MICU1: variants seen among roughly 807,000 people sequenced by gnomAD.
MICU1 encodes the protein mitochondrial calcium uptake 1, also known as calcium uptake protein 1, mitochondrial.
Under a neutral mutation model 56.8 loss-of-function variants are expected in MICU1, and 45 were observed. That is an observed-to-expected ratio of 0.79 (90% confidence interval 0.62 to 1.02). MICU1 has a LOEUF of 1.02. Ranked by LOEUF, MICU1 falls within the 50% of genes least tolerant of loss-of-function variation. The pLI, the probability that MICU1 is intolerant of heterozygous loss-of-function variation, is 0.00. For synonymous variants in MICU1, 186 were observed against 195.1 expected (o/e 0.95, Z 0.39); for missense variants, 504 against 587.1 (o/e 0.86, Z 1.46).
chr10:72,548,332 T>C (rs760980228), intron 4 of MICU1, among the ~76,000 whole-genome samples: 19 of 152,114 alleles, frequency 1.2e-4, no homozygotes, highest in Non-Finnish European at 2.5e-4. Flanking sequence ...TCAAATGCAG[T>C]GTAGAGGTTG....
At chr10:72,488,157 C>A (rs200192805) in intron 6 of MICU1, among the ~76,000 whole-genome samples, 5 of 145,854 alleles carry the variant, frequency 3.4e-5, no homozygotes, top group Non-Finnish European at 7.5e-5. Context: ...TGCACCATTG[C>A]ACTCCAGCCT....
intron 8 of MICU1, among the ~76,000 whole-genome samples, chr10:72,444,731 G>A (rs1352730185): frequency 6.6e-6 from 1 of 152,224 alleles, no homozygotes; most frequent in Non-Finnish European, 1.5e-5. Flanking sequence ...TTACAGGCGT[G>A]AGCCACCATG....
chr10:72,524,403 T>C (rs1431876193), intron 5 of MICU1, among the ~76,000 whole-genome samples: 1 of 152,192 alleles, frequency 6.6e-6, no homozygotes, highest in East Asian at 1.9e-4. Context: ...AGACCCGGCC[T>C]CCAAGTAAGA....
chr10:72,427,508 A>C (rs1269030469), intron 8 of MICU1, among the ~76,000 whole-genome samples: 1 of 152,140 alleles, frequency 6.6e-6, no homozygotes, highest in Non-Finnish European at 1.5e-5. Context: ...TGTATCCAAC[A>C]AATGTAAACT....
intron 5 of MICU1, among the ~76,000 whole-genome samples, chr10:72,517,972 T>C (rs1414107454): frequency 1.3e-5 from 2 of 151,906 alleles, no homozygotes; most frequent in Non-Finnish European, 2.9e-5. Context: ...TAATGTTCTC[T>C]CACTGCCCCA....
intron 8 of MICU1, among the ~76,000 whole-genome samples, chr10:72,444,606 C>T (rs372499565): frequency 1.7e-3 from 263 of 152,092 alleles, no homozygotes; most frequent in African/African-American, 5.9e-3. Flanking sequence ...TGCACCACCA[C>T]ACCTGGCTAA....
chr10:72,411,585 C>A (rs1475153646), intron 9 of MICU1, among the ~76,000 whole-genome samples: 1 of 152,050 alleles, frequency 6.6e-6, no homozygotes, highest in Non-Finnish European at 1.5e-5. Flanking sequence ...CCCGCCTCGG[C>A]CTCCCAAAGT....
At chr10:72,618,131 C>T (rs1198368246) in intron 1 of MICU1, among the ~76,000 whole-genome samples, 1 of 150,018 alleles carries the variant, frequency 6.7e-6, no homozygotes, top group Non-Finnish European at 1.5e-5. Context: ...CATGCCACTG[C>T]ACTCCAGCCT....
intron 6 of MICU1, among the ~76,000 whole-genome samples, chr10:72,498,543 G>A (rs974451387): frequency 6.6e-6 from 1 of 152,040 alleles, no homozygotes; most frequent in African/African-American, 2.4e-5. Flanking sequence ...TTGAGATAGC[G>A]CCATTGCACT....
At chr10:72,397,937 T>C (rs1368501476) in intron 10 of MICU1, among the ~76,000 whole-genome samples, 7 of 152,198 alleles carry the variant, frequency 4.6e-5, no homozygotes, top group African/African-American at 1.7e-4. Flanking sequence ...GTGGACCTAA[T>C]AGACATCTAC....
At chr10:72,399,856 G>C (rs1409878278) in intron 10 of MICU1, among the ~76,000 whole-genome samples, 1 of 152,106 alleles carries the variant, frequency 6.6e-6, no homozygotes. Context: ...TACTTGGGAG[G>C]CTGAGGCAGG....
chr10:72,463,188 C>T (rs993964319), intron 8 of MICU1, among the ~76,000 whole-genome samples: 1 of 152,024 alleles, frequency 6.6e-6, no homozygotes, highest in Non-Finnish European at 1.5e-5. Context: ...CTCAGCCTCC[C>T]GAGTAGCTGG....
intron 1 of MICU1, among the ~76,000 whole-genome samples, chr10:72,598,397 A>G (rs1841434302): frequency 6.6e-6 from 1 of 151,910 alleles, no homozygotes; most frequent in Non-Finnish European, 1.5e-5. Context: ...CTGAGACTAC[A>G]GGCGCCCGCC....
At chr10:72,464,424 G>A (rs1245188538) in intron 8 of MICU1, among the ~76,000 whole-genome samples, 1 of 151,778 alleles carries the variant, frequency 6.6e-6, no homozygotes, top group East Asian at 1.9e-4. Flanking sequence ...AATGCTTGCT[G>A]TGGCATTTCC....
At chr10:72,566,882 C>T (rs1840454732) in intron 1 of MICU1, 88 bp from the exon 2 acceptor site, 1 of 1,146,886 alleles carries the variant, frequency 8.7e-7, no homozygotes, top group East Asian at 2.5e-5. Flanking sequence ...CTAATAAACA[C>T]TAAAGTAATT....
intron 10 of MICU1, among the ~76,000 whole-genome samples, chr10:72,405,766 T>C (rs146075506): frequency 5.7e-4 from 87 of 152,248 alleles, no homozygotes; most frequent in Admixed American, 1.4e-3. Context: ...TTTCAATATA[T>C]ATAGAAAAAA....
intron 9 of MICU1, among the ~76,000 whole-genome samples, chr10:72,414,432 C>T (rs11819498): frequency 0.072 from 10,892 of 152,092 alleles, 1,338 homozygotes; most frequent in African/African-American, 0.25. Context: ...AGAAGCCAGA[C>T]ACAAAAGACT....
chr10:72,584,054 C>A (rs141739701), intron 1 of MICU1, among the ~76,000 whole-genome samples: 5 of 152,272 alleles, frequency 3.3e-5, no homozygotes, highest in Non-Finnish European at 7.4e-5. Context: ...AAACAAGTAT[C>A]ATCTCACAGA....
chr10:72,452,826 A>T (rs1180846129), intron 8 of MICU1, among the ~76,000 whole-genome samples: 1 of 151,542 alleles, frequency 6.6e-6, no homozygotes, highest in Non-Finnish European at 1.5e-5. Flanking sequence ...GGCAGTATTC[A>T]TTTACTAAAA....
Sources: allele counts gnomAD v4.1 joint callset (sites outside exome capture counted in the v4.1 genomes callset), GRCh38; gene constraint gnomAD v4.1.1; transcripts MANE v1.5; gene names NCBI Gene and HGNC (gene_info 2026-07-23, HGNC 2026-07-21).